The following RECK variants were observed in gnomAD, a reference collection of about 807,000 sequenced individuals.
The protein encoded by RECK is reversion inducing cysteine rich protein with kazal motifs, also known as reversion-inducing cysteine-rich protein with Kazal motifs.
Under a neutral mutation model 115.1 loss-of-function variants are expected in RECK, and 69 were observed. That is an observed-to-expected ratio of 0.60 (90% CI 0.49 to 0.73). The LOEUF (loss-of-function observed/expected upper bound fraction) is 0.73, where lower values mean the gene tolerates loss of function less well. RECK is among the 30% of genes least tolerant of loss of function. The pLI, the probability that RECK is intolerant of heterozygous loss-of-function variation, is 0.00. For synonymous variants in RECK, 414 were observed against 419.7 expected (o/e 0.99, Z 0.17); for missense variants, 1,047 against 1,203.7 (o/e 0.87, Z 1.93).
Position 36,080,603 on chromosome 9 carries a change from A to G in RECK, c.406-2A>G, listed in dbSNP as rs952971683. 31 of 1,606,482 alleles carry G rather than the reference A, an allele frequency of 1.9e-5. No individual in the cohort carries two copies. Among genetic ancestry groups the G allele is most frequent in the Non-Finnish European group, 2.6e-5 (31 of 1,175,316 alleles). ...GTTTATTTGTTTTTCTTCAATTTAC[A>G]GAATGCTCTTTTCAGTTGCATTAGC... On this transcript the variant is annotated splice_acceptor_variant, in intron 6 of 20. Coordinates refer to ENST00000377966, the MANE Select transcript of RECK (RefSeq NM_021111.3). LOFTEE classifies it high-confidence loss of function.
At chr9:36,083,603 T>TA (rs752466677) in intron 8 of RECK, 41 bp downstream of exon 8, 9 of 1,578,406 alleles carry the variant, frequency 5.7e-6, no homozygotes, top group Admixed American at 5.3e-5. Flanking sequence ...CAATCTTTGG[T>TA]AAAATCGTTT....
intron 2 of RECK, 78 bp from the exon 3 acceptor site, chr9:36,058,749 C>A: frequency 1.3e-6 from 1 of 796,228 alleles, no homozygotes; most frequent in Non-Finnish European, 1.9e-6. Context: ...ACTGATAAAT[C>A]TAGAGGATAA....
chr9:36,079,305 C>T (rs954069019), intron 6 of RECK, among the ~76,000 whole-genome samples: 4 of 152,054 alleles, frequency 2.6e-5, no homozygotes, highest in African/African-American at 9.7e-5. Context: ...AAAAGTCACA[C>T]TAAAAGAAGG....
In RECK at chr9:36,110,029, G is replaced by A. The variant is rs772507584; in HGVS notation, c.1838G>A (p.Arg613His). 41 of 1,613,662 alleles carry A rather than the reference G, an allele frequency of 2.5e-5. No homozygotes were observed. The highest frequency in any genetic ancestry group is 3.0e-5 in the Non-Finnish European group (35 of 1,179,756). The change falls in exon 15 of 21, where the codon CGC becomes CAC. Residue 613 changes from arginine (R) to histidine (H), a missense_variant. Transcript: ENST00000377966. ...GCTGGCAATTTGGTGTGCTCTACCC[G>A]CCTTTGCCTCAGTGAGCACAGTTCA... is the stretch of plus-strand genomic sequence containing the variant. ...CFAGNLVCST[R>H]LCLSEHSSED...
chr9:36,106,288 G>A (rs1241036034), intron 13 of RECK, among the ~76,000 whole-genome samples: 2 of 150,112 alleles, frequency 1.3e-5, no homozygotes, highest in African/African-American at 4.9e-5. Context: ...AGGCTAGAGT[G>A]TAATGGCACT....
chr9:36,105,346 CTA>C (rs1305310307), intron 13 of RECK, 63 bp downstream of exon 13: 1 of 1,549,658 alleles, frequency 6.5e-7, no homozygotes, highest in East Asian at 2.3e-5. Flanking sequence ...TTTATAGGAG[CTA>C]TCTTTCTTTT....
In RECK at chr9:36,112,162, GAGA is replaced by G. The variant is rs10529610; in HGVS notation, c.1889-140_1889-138del. 4,664 of 557,474 alleles carry G rather than the reference GAGA, an allele frequency of 8.4e-3. 203 individuals carry two copies. Among genetic ancestry groups the G allele is most frequent in the African/African-American group, 0.083 (4,202 of 50,746 alleles). 34.5% of individuals were successfully genotyped at this position (557,474 alleles called of 1,614,324 possible). ...AAAAAAAACCCTGTCAGAGATCGGA[GAGA>G]AGGTTTTTCCTGACTTAATTTACAA... On this transcript the variant is annotated intron_variant, in intron 15 of 20. Coordinates refer to ENST00000377966, the MANE Select transcript of RECK (RefSeq NM_021111.3).
At chr9:36,100,852 T>C (rs1249530320) in intron 11 of RECK, among the ~76,000 whole-genome samples, 1 of 152,236 alleles carries the variant, frequency 6.6e-6, no homozygotes, top group Non-Finnish European at 1.5e-5. Flanking sequence ...TTATGGAACT[T>C]AGTTCATGAA....
intron 6 of RECK, among the ~76,000 whole-genome samples, chr9:36,065,890 A>G (rs971984004): frequency 6.6e-6 from 1 of 152,188 alleles, no homozygotes; most frequent in African/African-American, 2.4e-5. Context: ...TAACAAAGCA[A>G]CTAGTTGTAC....
In RECK at chr9:36,105,183, T is replaced by C. The variant is rs987662334; in HGVS notation, c.1476T>C (p.His492=). 4 of 1,614,150 alleles carry C rather than the reference T, an allele frequency of 2.5e-6. No individual in the cohort carries two copies. Among genetic ancestry groups the C allele is most frequent in the African/African-American group, 1.3e-5 (1 of 75,056 alleles). ...GTAACATTGTAGAAGAAGTGACTCA[T>C]CCCTGTAACCCAAATCCTTGCCCTG... ...TLGNIVEEVT[H]PCNPNPCPAN... is the part of the protein sequence containing the mutation. The change falls in exon 13 of 21, where the codon CAT becomes CAC. Residue 492 remains histidine (H), a synonymous_variant. Transcript: ENST00000377966.
intron 10 of RECK, among the ~76,000 whole-genome samples, chr9:36,098,065 A>C (rs1823423794): frequency 6.6e-6 from 1 of 152,120 alleles, no homozygotes; most frequent in Non-Finnish European, 1.5e-5. Context: ...GAGGGAGGAG[A>C]GAGGGGAGAG....
At chr9:36,077,993 G>A (rs757913037) in intron 6 of RECK, among the ~76,000 whole-genome samples, 5 of 151,902 alleles carry the variant, frequency 3.3e-5, no homozygotes, top group African/African-American at 4.8e-5. Flanking sequence ...AGGCCAACCT[G>A]GGCAACATAG....
chr9:36,063,527 G>A lies in RECK; in HGVS notation c.272-268G>A, dbSNP rs374968753. ...GTAAAGATGTTACCTACCCAAGAGTGAGAATGACTTAAAGAGCATTTAGGG... is the reference window on the plus strand; with the variant it reads ...GTAAAGATGTTACCTACCCAAGAGTAAGAATGACTTAAAGAGCATTTAGGG... On this transcript the variant is annotated intron_variant, in intron 4 of 20. Coordinates refer to ENST00000377966, the MANE Select transcript of RECK (RefSeq NM_021111.3). Among the ~76,000 whole-genome samples the A allele has an allele frequency of 4.3e-4, 65 of 152,242 alleles. 1 individual carries two copies. The South Asian group carries it at 0.013, about 31-fold the overall frequency.
At chr9:36,095,262 A>G (rs1185844575) in intron 10 of RECK, among the ~76,000 whole-genome samples, 1 of 152,216 alleles carries the variant, frequency 6.6e-6, no homozygotes, top group Non-Finnish European at 1.5e-5. Flanking sequence ...AAATGGATGC[A>G]TTCCTTAAAA....
chr9:36,091,465 T>C lies in RECK; in HGVS notation c.1085+122T>C, dbSNP rs541880054. On this transcript the variant is annotated intron_variant, in intron 10 of 20. Coordinates refer to ENST00000377966, the MANE Select transcript of RECK (RefSeq NM_021111.3). ...AAAGAAAGTCTTCTTTATGATTTAA[T>C]CTTTAAATGCAGTATTCCATCTGGT... The C allele has an allele frequency of 1.4e-5, 11 of 784,832 alleles. No individual in the cohort carries two copies. The African/African-American group carries it at 1.8e-4, about 13-fold the overall frequency. 48.6% of individuals were successfully genotyped at this position (784,832 alleles called of 1,614,324 possible). A position where few individuals can be genotyped will look rare whatever the true frequency, so the allele number is the denominator to read the frequency against.
At chr9:36,087,392 C>G (rs1196264569) in intron 8 of RECK, among the ~76,000 whole-genome samples, 1 of 152,094 alleles carries the variant, frequency 6.6e-6, no homozygotes, top group East Asian at 1.9e-4. Context: ...AACACAAGAA[C>G]AGAAAACAAA....
Position 36,105,240 on chromosome 9 carries a change from A to G in RECK, c.1533A>G (p.Gly511=), listed in dbSNP as rs1564131429. 6.2e-7 allele frequency: 1 copy of G among 1,614,142 alleles called. No individual in the cohort carries two copies. ...AGCTCTGTGAAGTAAACCGAAAAGGATGTCCATCTGGAGATCCCTGTCTTC... is the reference window on the plus strand; with the variant it reads ...AGCTCTGTGAAGTAAACCGAAAAGGGTGTCCATCTGGAGATCCCTGTCTTC... ...ANELCEVNRK[G]CPSGDPCLPY... is the part of the protein sequence containing the mutation. The change falls in exon 13 of 21, where the codon GGA becomes GGG. Residue 511 remains glycine, a synonymous_variant. Transcript: ENST00000377966.
In RECK at chr9:36,087,896, T is replaced by C. The variant is rs1017070308; in HGVS notation, c.840T>C (p.Pro280=). Residue 280 remains proline (P), a synonymous_variant, in exon 9 of 21, where the codon CCT becomes CCC. Transcript: ENST00000377966. ...ACCCTGGAGTCACTGTACACCCTCC[T>C]CCCTCTACAGGCCTCGATGGGGCTA... The part of the protein sequence containing the change: ...SVHPGVTVHP[P]PSTGLDGAKL... 6 of 1,613,262 alleles carry C rather than the reference T, an allele frequency of 3.7e-6. No homozygotes were observed. Among genetic ancestry groups the C allele is most frequent in the Non-Finnish European group, 5.1e-6 (6 of 1,179,364 alleles).
intron 14 of RECK, 77 bp from the exon 15 acceptor site, chr9:36,109,880 G>T: frequency 1.2e-5 from 15 of 1,258,888 alleles, no homozygotes; most frequent in Admixed American, 4.1e-5. Context: ...AAAACTTGTT[G>T]AACTATTAAA....
Sources: gnomAD v4.1 joint callset for allele counts (sites outside exome capture counted in the v4.1 genomes callset) on GRCh38, gnomAD v4.1.1 for gene constraint, MANE v1.5 for transcripts, NCBI Gene and HGNC (gene_info 2026-07-23, HGNC 2026-07-21) for gene names.